The following CLEC16A variants were observed in gnomAD, a reference collection of about 807,000 sequenced individuals.
The protein encoded by CLEC16A is protein CLEC16A.
In CLEC16A, 51 loss-of-function variants were observed where a neutral mutation model predicts 109.5. The ratio of observed to expected loss-of-function variants is 0.47; its 90% CI spans 0.37 to 0.59. The LOEUF is 0.59. Among genes scored for constraint, CLEC16A ranks in the 20% least tolerant of loss-of-function variants. The probability of loss-of-function intolerance (pLI) is 0.00; values close to 1 mark genes in which losing one functional copy is unlikely to be tolerated. For synonymous variants in CLEC16A, 673 were observed against 564.2 expected (o/e 1.19, Z -2.73); for missense variants, 1,339 against 1,394.0 (o/e 0.96, Z 0.63).
At chr16:11,037,241 G>T (rs2047073636) in intron 13 of CLEC16A, among the ~76,000 whole-genome samples, 1 of 152,224 alleles carries the variant, frequency 6.6e-6, no homozygotes, top group Non-Finnish European at 1.5e-5. Flanking sequence ...TGTGCTCCTG[G>T]TGGGCTGGCT....
At chr16:11,081,253 T>C (rs1402582725) in intron 19 of CLEC16A, among the ~76,000 whole-genome samples, 1 of 152,194 alleles carries the variant, frequency 6.6e-6, no homozygotes, top group Non-Finnish European at 1.5e-5. Flanking sequence ...CCTTTTGTCC[T>C]TTTGTCTGGA....
At chr16:11,039,214 C>CCAGGT (rs1403458813) in intron 13 of CLEC16A, among the ~76,000 whole-genome samples, 1 of 152,194 alleles carries the variant, frequency 6.6e-6, no homozygotes, top group Non-Finnish European at 1.5e-5. Flanking sequence ...TTCTCTCCAA[C>CCAGGT]ACTATTAAGT....
intron 10 of CLEC16A, among the ~76,000 whole-genome samples, chr16:10,986,825 T>G (rs1308109613): frequency 6.6e-6 from 1 of 151,824 alleles, no homozygotes; most frequent in African/African-American, 2.4e-5. Context: ...TTATGCAGTT[T>G]TAGTTTTTTT....
At chr16:11,013,813 C>G (rs989385660) in intron 11 of CLEC16A, among the ~76,000 whole-genome samples, 1 of 151,760 alleles carries the variant, frequency 6.6e-6, no homozygotes, top group Admixed American at 6.6e-5. Flanking sequence ...GTGGCGTACA[C>G]CTGTAATCCT....
chr16:11,126,441 A>G, intron 22 of CLEC16A: 1 of 1,333,560 alleles, frequency 7.5e-7, no homozygotes. Context: ...AAACATTTAA[A>G]TGATTAGTGC....
chr16:11,155,477 C>T (rs938903853), intron 22 of CLEC16A, among the ~76,000 whole-genome samples: 4 of 152,236 alleles, frequency 2.6e-5, no homozygotes, highest in Admixed American at 6.5e-5. Context: ...GGCTCGTGTC[C>T]AGCCGTCCGG....
intron 10 of CLEC16A, among the ~76,000 whole-genome samples, chr16:10,987,586 G>A (rs143639777): frequency 1.3e-5 from 2 of 152,258 alleles, no homozygotes; most frequent in South Asian, 2.1e-4. Context: ...CACATGTGTC[G>A]GCTTTCTGCT....
At chr16:11,018,248 A>G (rs1445840017) in intron 11 of CLEC16A, among the ~76,000 whole-genome samples, 1 of 149,838 alleles carries the variant, frequency 6.7e-6, no homozygotes, top group East Asian at 2.0e-4. Context: ...ACACCACTGC[A>G]CTCTAGGCTG....
At chr16:10,991,215 G>A (rs773306451) in intron 10 of CLEC16A, among the ~76,000 whole-genome samples, 3 of 152,052 alleles carry the variant, frequency 2.0e-5, no homozygotes, top group African/African-American at 7.2e-5. Context: ...GAGTGTTACA[G>A]TTCTCAGTAA....
Position 10,962,520 on chromosome 16 carries a change from A to T in CLEC16A, c.275A>T (p.Tyr92Phe). 6.2e-7 allele frequency: 1 copy of T among 1,613,928 alleles called. No individual in the cohort carries two copies. Among genetic ancestry groups the T allele is most frequent in the South Asian group, 1.1e-5 (1 of 91,076 alleles). Residue 92 changes from tyrosine to phenylalanine, a missense_variant, in exon 3 of 24, where the codon TAC becomes TTC. Coordinates refer to ENST00000409790, the MANE Select transcript of CLEC16A (RefSeq NM_015226.3). Reference sequence around the variant, plus strand: ...ATCTTGCGGCAAAAGTCGGGCCGTTACGTGTGCGTTCAGCTGCTGCAGACC... The same window carrying T: ...ATCTTGCGGCAAAAGTCGGGCCGTTTCGTGTGCGTTCAGCTGCTGCAGACC... ...LNILRQKSGRYVCVQLLQTLN... is the reference protein window; with the variant it reads ...LNILRQKSGRFVCVQLLQTLN...
intron 19 of CLEC16A, among the ~76,000 whole-genome samples, chr16:11,071,958 A>G (rs1567277556): frequency 6.6e-6 from 1 of 151,914 alleles, no homozygotes; most frequent in African/African-American, 2.4e-5. Context: ...GTTCTTAGGA[A>G]GTATGGGCTG....
intron 13 of CLEC16A, among the ~76,000 whole-genome samples, chr16:11,035,498 C>T (rs115009779): frequency 0.012 from 1,862 of 150,982 alleles, 41 homozygotes; most frequent in African/African-American, 0.043. Flanking sequence ...TCATGGTACA[C>T]GGCAGAGAGG....
chr16:11,157,869 C>G (rs767415316), intron 22 of CLEC16A, among the ~76,000 whole-genome samples: 1 of 152,124 alleles, frequency 6.6e-6, no homozygotes. Flanking sequence ...GCTCCTAGCC[C>G]CCGCCTGCCC....
chr16:11,086,438 A>G (rs914257314), intron 19 of CLEC16A, among the ~76,000 whole-genome samples: 7 of 152,212 alleles, frequency 4.6e-5, no homozygotes, highest in African/African-American at 1.7e-4. Flanking sequence ...GCTTTGCTAT[A>G]TGGTAAGGCT....
In CLEC16A at chr16:11,155,980, G is replaced by T. The variant is rs141061192; in HGVS notation, c.2642-10408G>T. ...CACACGGAGCAGGCCAAACATGTCA[G>T]TGTAGGATACACACTGTACGGCCTC... On this transcript the variant is annotated intron_variant, in intron 22 of 23. Transcript: ENST00000409790. 9.7e-3 allele frequency among the ~76,000 whole-genome samples: 1,480 copies of T among 152,298 alleles called. 27 individuals are homozygous for T. The highest frequency in any genetic ancestry group is 0.034 in the African/African-American group (1,397 of 41,562).
chr16:11,170,693 C>T (rs546165391), intron 23 of CLEC16A, among the ~76,000 whole-genome samples: 2 of 152,296 alleles, frequency 1.3e-5, no homozygotes, highest in East Asian at 1.9e-4. Flanking sequence ...CTCCCTGTCT[C>T]AGTGAATTAT....
chr16:11,158,751 C>A (rs2054618793), intron 22 of CLEC16A, among the ~76,000 whole-genome samples: 1 of 152,118 alleles, frequency 6.6e-6, no homozygotes, highest in Non-Finnish European at 1.5e-5. Flanking sequence ...GGTGACCCAT[C>A]TCTACTAAAA....
At chr16:11,154,247 C>A (rs1393254768) in intron 22 of CLEC16A, among the ~76,000 whole-genome samples, 2 of 152,138 alleles carry the variant, frequency 1.3e-5, no homozygotes, top group Non-Finnish European at 2.9e-5. Context: ...TAGATTGAAC[C>A]ATATGAAATG....
rs1338487036 is a variant in CLEC16A at position 11,077,582 on chromosome 16, T to C, written c.2116+16560T>C. On this transcript the variant is annotated intron_variant, in intron 19 of 23. Coordinates refer to ENST00000409790, the MANE Select transcript of CLEC16A (RefSeq NM_015226.3). ...TGAGGCGGGAGGATCACTTGAAACC[T>C]GGGGAGATTGAGGCTGTAGTGAGCT... 6.0e-5 allele frequency among the ~76,000 whole-genome samples: 9 copies of C among 151,146 alleles called. No homozygotes were observed. The East Asian group carries it at 1.2e-3, about 20-fold the overall frequency.
Sources: gnomAD v4.1 joint callset for allele counts (sites outside exome capture counted in the v4.1 genomes callset) on GRCh38, gnomAD v4.1.1 for gene constraint, MANE v1.5 for transcripts, NCBI Gene and HGNC (gene_info 2026-07-23, HGNC 2026-07-21) for gene names.